Variants in ABCA2 observed in about 807,000 individuals in gnomAD.
ABCA2 encodes ATP-binding cassette sub-family A member 2.
In ABCA2, 84 loss-of-function variants were observed where a neutral mutation model predicts 262.8. The observed-to-expected ratio is 0.32, with a 90% confidence interval of 0.27 to 0.38. The LOEUF is 0.38. ABCA2 is among the 10% of genes least tolerant of loss of function. The pLI is 1.00. For synonymous variants in ABCA2, 1,696 were observed against 1,502.9 expected, an observed-to-expected ratio of 1.13 and a Z score of -2.97; for missense variants, 2,662 against 3,405.9, an observed-to-expected ratio of 0.78 and a Z score of 5.44.
rs376632026 is a variant in ABCA2, at chr9:137,012,082, C to T, written c.5360+20G>A. 18 of 1,612,436 alleles carry T rather than the reference C, an allele frequency of 1.1e-5. No homozygotes were observed. Among genetic ancestry groups the T allele is most frequent in the African/African-American group, 8.0e-5 (6 of 74,916 alleles). ...GCAGTGCCCACCTGCCCCACCTCATCCCCCACTGGCCACACTTACAGGTAA... is the reference window on the plus strand; with the variant it reads ...GCAGTGCCCACCTGCCCCACCTCATTCCCCACTGGCCACACTTACAGGTAA... On this transcript the variant is annotated intron_variant, in intron 34 of 48. Coordinates refer to ENST00000341511, the MANE Select transcript of ABCA2 (RefSeq NM_001606.5).
chr9:137,014,360 G>A lies in ABCA2; in HGVS notation c.4048C>T (p.Pro1350Ser), dbSNP rs1262114631. ...RKDVLPGAEGPASGEGHAGNL... is the reference protein window; with the variant it reads ...RKDVLPGAEGSASGEGHAGNL... ...CCAGCGTGACCCTCCCCAGACGCCGGGCCCTCCGCCCCAGGGAGCACATCC... is the reference window on the plus strand; with the variant it reads ...CCAGCGTGACCCTCCCCAGACGCCGAGCCCTCCGCCCCAGGGAGCACATCC... The change falls in exon 27 of 49, where the codon CCG (proline) becomes TCG (serine). Residue 1350 changes from proline (P) to serine (S), a missense_variant. Transcript: ENST00000341511. 6.3e-7 allele frequency: 1 copy of A among 1,599,418 alleles called. No homozygotes were observed. Among genetic ancestry groups the A allele is most frequent in the South Asian group, 1.1e-5 (1 of 88,936 alleles).
In ABCA2 at chr9:137,016,162, G is replaced by A. The variant is rs754152684; in HGVS notation, c.3117C>T (p.Thr1039=). 3.3e-5 allele frequency: 53 copies of A among 1,612,556 alleles called. No individual in the cohort carries two copies. Among genetic ancestry groups the A allele is most frequent in the African/African-American group, 5.3e-5 (4 of 74,914 alleles). Residue 1039 remains threonine, a synonymous_variant, in exon 22 of 49, where the codon ACC becomes ACT. Coordinates refer to ENST00000341511, the MANE Select transcript of ABCA2 (RefSeq NM_001606.5). ...AGKTTTMSIL[T]GLFPPTSGSA... Reference sequence around the variant, plus strand: ...AACCCGACGTTGGAGGGAACAGGCCGGTCAGGATGGACCTGGGTAGGTGGG... The same window carrying A: ...AACCCGACGTTGGAGGGAACAGGCCAGTCAGGATGGACCTGGGTAGGTGGG...
In ABCA2 at chr9:137,016,567, G is replaced by C. The variant is rs777780401; in HGVS notation, c.2923+7C>G. On this transcript the variant is annotated splice_region_variant and intron_variant, in intron 20 of 48. Transcript: ENST00000341511. The stretch of plus-strand genomic sequence containing the variant: ...CACCCCAGCCACCATTCTGATGCCA[G>C]CCTCACCAAAGCGCCGGCTCTCCAT... The C allele has an allele frequency of 6.2e-7, 1 of 1,612,226 alleles. No homozygotes were observed. Among genetic ancestry groups the C allele is most frequent in the African/African-American group, 1.3e-5 (1 of 75,056 alleles).
intron 2 of ABCA2, 93 bp from the exon 3 acceptor site, chr9:137,023,933 G>C: frequency 7.6e-7 from 1 of 1,311,452 alleles, no homozygotes; most frequent in South Asian, 1.3e-5. Context: ...TCACCAGGAA[G>C]AGGCGTTGGC....
At position 137,015,706 on chromosome 9, in the gene ABCA2, G is replaced by A; in HGVS notation, c.3483C>T (p.Ala1161=). The A allele has an allele frequency of 3.1e-6, 5 of 1,610,204 alleles. No individual in the cohort carries two copies. The highest frequency in any genetic ancestry group is 8.5e-7 in the Non-Finnish European group (1 of 1,178,948). The part of the protein sequence containing the change: ...TAGVDPYARR[A]IWDLILKYKP... ...TGTACTTCAGGATGAGGTCCCAGAT[G>A]GCGCGGCGCGCGTAGGGGTCCACGC... Residue 1161 remains alanine, a synonymous_variant, in exon 23 of 49, where the codon GCC becomes GCT. Coordinates refer to ENST00000341511, the MANE Select transcript of ABCA2 (RefSeq NM_001606.5).
At position 137,022,832 on chromosome 9, in the gene ABCA2, C is replaced by T; in HGVS notation, c.309G>A (p.Val103=). Residue 103 remains valine (V), a synonymous_variant, in exon 5 of 49, where the codon GTG becomes GTA. Transcript: ENST00000341511. The stretch of plus-strand genomic sequence containing the variant: ...GGTCAAACAGGTTGCCTTCCTCCAC[C>T]ACGCGGTCCAGGCGCTCAAGCAGCT... ...VTQLLERLDR[V]VEEGNLFDPA... 1 of 1,588,334 alleles carries T rather than the reference C, an allele frequency of 6.3e-7. No homozygotes were observed. The highest frequency in any genetic ancestry group is 1.1e-5 in the South Asian group (1 of 87,230).
chr9:137,024,806 T>TC (rs1197824370), intron 1 of ABCA2, among the ~76,000 whole-genome samples: 1 of 151,050 alleles, frequency 6.6e-6, no homozygotes, highest in Admixed American at 6.6e-5. Context: ...CCTTTTTTTT[T>TC]TTTTTTTTTT....
In ABCA2 at chr9:137,019,457, C is replaced by T. The variant is rs1387774082; in HGVS notation, c.1426-151G>A. On this transcript the variant is annotated intron_variant, in intron 10 of 48. Transcript: ENST00000341511. The surrounding 1 kb of genome is among the most constrained non-coding windows in gnomAD (Gnocchi z 4.4). ...TTTTTTTTTTCCTGAGACAGGGTCT[C>T]AGTCACCCACGCTGGAGTGCAGTGG... 1 of 895,384 alleles carries T rather than the reference C, an allele frequency of 1.1e-6. No homozygotes were observed. The highest frequency in any genetic ancestry group is 1.6e-6 in the Non-Finnish European group (1 of 610,422). 55.5% of individuals were successfully genotyped at this position (895,384 alleles called of 1,614,324 possible).
Position 137,017,824 on chromosome 9 carries a change from T to C in ABCA2, c.2174A>G (p.Gln725Arg). The change falls in exon 16 of 49, where the codon CAG (glutamine) becomes CGG (arginine). Residue 725 changes from glutamine (Q) to arginine (R), a missense_variant. Gln to Arg is a conservative substitution (Grantham distance 43). This residue lies in a region of ABCA2 where 188 missense variants were observed against 343.4 expected (regional missense o/e 0.55). Transcript: ENST00000341511. Reference sequence around the variant, plus strand: ...GTGCTCCTTCTCCGCCACGATGTGCTGGATGGTCATGGCCACGGAGTAGAC... The same window carrying C: ...GTGCTCCTTCTCCGCCACGATGTGCCGGATGGTCATGGCCACGGAGTAGAC... ...SWVYSVAMTI[Q>R]HIVAEKEHRL... 1 of 1,612,574 alleles carries C rather than the reference T, an allele frequency of 6.2e-7. No homozygotes were observed. Among genetic ancestry groups the C allele is most frequent in the Non-Finnish European group, 8.5e-7 (1 of 1,179,836 alleles).
intron 18 of ABCA2, 35 bp from the exon 19 acceptor site, chr9:137,017,159 C>T: frequency 6.2e-7 from 1 of 1,611,708 alleles, no homozygotes; most frequent in Non-Finnish European, 8.5e-7. Flanking sequence ...GTGGGGTGGC[C>T]CGGCACCCCA....
At chr9:137,008,279 C>T (rs975747533) in intron 48 of ABCA2, 137 bp downstream of exon 48, 4 of 1,026,972 alleles carry the variant, frequency 3.9e-6, no homozygotes, top group Non-Finnish European at 5.9e-6. Flanking sequence ...TGTCCCTCGC[C>T]CACTCTGCCC....
In ABCA2 at chr9:137,013,299, C is replaced by A. The variant is rs1285297730; in HGVS notation, c.4570G>T (p.Ala1524Ser). 1.9e-6 allele frequency: 3 copies of A among 1,561,968 alleles called. No individual in the cohort carries two copies. The highest frequency in any genetic ancestry group is 2.6e-6 in the Non-Finnish European group (3 of 1,160,338). The change falls in exon 30 of 49, where the codon GCC becomes TCC. Residue 1524 changes from alanine (A) to serine (S), a missense_variant. Ala to Ser is a moderately conservative substitution (Grantham distance 99). Transcript: ENST00000341511. ...REYRLRLSPD[A>S]SPQQLVSTFR... ...GTGCTCACGAGCTGCTGGGGGCTGG[C>A]GTCGGGCGATAGCCGCAGCCTGCGG... is the stretch of plus-strand genomic sequence containing the variant.
At chr9:137,009,329 C>CA in intron 45 of ABCA2, 41 bp downstream of exon 45, 1 of 1,049,826 alleles carries the variant, frequency 9.5e-7, no homozygotes, top group Non-Finnish European at 1.4e-6. Context: ...CCGCCCCCCC[C>CA]GGGCCCGCCC....
Position 137,023,852 on chromosome 9 carries a change from C to T in ABCA2, c.161-12G>A. ...CGCTCACTTACAGACTGCATGCCAGCCGAGGACAAGAGACCATGCGGGGAG... is the reference window on the plus strand; with the variant it reads ...CGCTCACTTACAGACTGCATGCCAGTCGAGGACAAGAGACCATGCGGGGAG... On this transcript the variant is annotated splice_polypyrimidine_tract_variant and intron_variant, in intron 2 of 48. Transcript: ENST00000341511. The T allele has an allele frequency of 1.2e-6, 1 of 844,018 alleles. No homozygotes were observed. Among genetic ancestry groups the T allele is most frequent in the Non-Finnish European group, 2.1e-6 (1 of 487,478 alleles). The allele number at this position is 844,018 out of a possible 1,614,324, so 52.3% of individuals were successfully genotyped here. A position where few individuals can be genotyped will look rare whatever the true frequency, so the allele number is the denominator to read the frequency against.
Position 137,007,673 on chromosome 9 carries a change from C to T in ABCA2, c.*256G>A, listed in dbSNP as rs1022201397. The T allele has an allele frequency of 1.9e-5, 11 of 574,798 alleles. No individual in the cohort carries two copies. The highest frequency in any genetic ancestry group is 1.7e-4 in the African/African-American group (9 of 52,566). 35.6% of individuals were successfully genotyped at this position (574,798 alleles called of 1,614,324 possible). A position where few individuals can be genotyped will look rare whatever the true frequency, so the allele number is the denominator to read the frequency against. On this transcript the variant is annotated 3_prime_UTR_variant, in exon 49 of 49. Coordinates refer to ENST00000341511, the MANE Select transcript of ABCA2 (RefSeq NM_001606.5). ...CAGGGGCGAGGGGCCGGGCAGACCC[C>T]GAGGCTTTAAGGCAAAGCAGGGCAA...
chr9:137,017,888 T>C lies in ABCA2; in HGVS notation c.2110A>G (p.Ile704Val). Residue 704 changes from isoleucine to valine, a missense_variant, in exon 16 of 49, where the codon ATT becomes GTT. Around this residue, in one of 12 missense-constraint regions of ABCA2, gnomAD observed 188 missense variants for 343.4 expected, o/e 0.55. Transcript: ENST00000341511. ...ATGCACAGCGGCATCATGTGCTCAA[T>C]GACAAACAGGAAGCTGCGGGGAGGC... The part of the protein sequence containing the change: ...CYTRDDFLFV[I>V]EHMMPLCMVI... 4 of 1,612,586 alleles carry C rather than the reference T, an allele frequency of 2.5e-6. No individual in the cohort carries two copies. Among genetic ancestry groups the C allele is most frequent in the Non-Finnish European group, 3.4e-6 (4 of 1,179,850 alleles).
In ABCA2 at chr9:137,019,411, T is replaced by A; in HGVS notation, c.1426-105A>T. ...CAGTGGCTGGTCCATTGCCAACAAC[T>A]AACCCTCCCCACCTTTTTTTTTTTT... On this transcript the variant is annotated intron_variant, in intron 10 of 48. Transcript: ENST00000341511. The surrounding 1 kb of genome is among the most constrained non-coding windows in gnomAD (Gnocchi z 4.4). 7.3e-6 allele frequency: 9 copies of A among 1,231,868 alleles called. No homozygotes were observed. The highest frequency in any genetic ancestry group is 1.5e-5 in the South Asian group (1 of 67,240). The allele number at this position is 1,231,868 out of a possible 1,614,324, so 76.3% of individuals were successfully genotyped here. A position where few individuals can be genotyped will look rare whatever the true frequency, so the allele number is the denominator to read the frequency against.
Position 137,017,173 on chromosome 9 carries a change from G to T in ABCA2, c.2553+23C>A, listed in dbSNP as rs200670915. ...CGTGGGGTGGCCCGGCACCCCAGCC[G>T]CCCGCCTGCCCGCGACCCTCACCGC... On this transcript the variant is annotated intron_variant, in intron 18 of 48. Transcript: ENST00000341511. 1.9e-3 allele frequency: 3,041 copies of T among 1,611,608 alleles called. 7 individuals carry two copies. The highest frequency in any genetic ancestry group is 2.2e-3 in the Non-Finnish European group (2,582 of 1,179,274).
rs1230434208 is a variant in ABCA2, at chr9:137,011,601, C to A, written c.5651+33G>T. 2.6e-6 allele frequency: 4 copies of A among 1,554,930 alleles called. No individual in the cohort carries two copies. The African/African-American group carries it at 5.5e-5, about 21-fold the overall frequency. On this transcript the variant is annotated intron_variant, in intron 36 of 48. Transcript: ENST00000341511. This position sits in a 1 kb window ranked among gnomAD's most constrained non-coding sequence, Gnocchi z 8.8. Reference sequence around the variant, plus strand: ...TGGTCACCAGGCAGCCCCGGTCCCACCTGAGGCCGCTCCCCCCTCCGCTTC... The same window carrying A: ...TGGTCACCAGGCAGCCCCGGTCCCAACTGAGGCCGCTCCCCCCTCCGCTTC...
Sources: allele counts gnomAD v4.1 joint callset (sites outside exome capture counted in the v4.1 genomes callset), GRCh38; gene constraint gnomAD v4.1.1; regional missense constraint gnomAD v4.1.1; non-coding constraint Gnocchi (gnomAD v3.1); transcripts MANE v1.5; gene names NCBI Gene and HGNC (gene_info 2026-07-23, HGNC 2026-07-21).